Variants in STK36 observed in about 807,000 individuals in gnomAD.
STK36 encodes the protein serine/threonine kinase 36, also known as serine/threonine-protein kinase 36.
STK36 carries 116 observed loss-of-function variants against 142.2 expected under a neutral mutation model. The ratio of observed to expected loss-of-function variants is 0.82; its 90% CI spans 0.70 to 0.95. The LOEUF is 0.95. Among genes scored for constraint, STK36 ranks in the 40% least tolerant of loss-of-function variants. STK36 has a pLI of 0.00. For missense variants in STK36, 1,422 were observed against 1,617.2 expected, an observed-to-expected ratio of 0.88 and a Z score of 2.07; for synonymous variants, 619 against 641.7, an observed-to-expected ratio of 0.96 and a Z score of 0.53.
Position 218,685,157 on chromosome 2 carries a change from C to G in STK36, c.1309C>G (p.Pro437Ala). 1 of 1,614,212 alleles carries G rather than the reference C, an allele frequency of 6.2e-7. No individual in the cohort carries two copies. Among genetic ancestry groups the G allele is most frequent in the Non-Finnish European group, 8.5e-7 (1 of 1,180,040 alleles). Residue 437 changes from proline (P) to alanine (A), a missense_variant, in exon 11 of 27, where the codon CCT becomes GCT. This residue lies in a region of STK36 where 962 missense variants were observed against 1,167.5 expected (regional missense o/e 0.82). Coordinates refer to ENST00000295709, the MANE Select transcript of STK36 (RefSeq NM_015690.5). ...TEPVPIQLKAPLTLLCNPDFC... is the reference protein window; with the variant it reads ...TEPVPIQLKAALTLLCNPDFC... ...GCCTGTGCCTATTCAACTGAAGGCT[C>G]CTCTCACCTTGCTGTGTAATCCTGA...
rs539374771 is a variant in STK36, at chr2:218,702,307, G to A, written c.*298G>A. 5 of 232,288 alleles carry A rather than the reference G, an allele frequency of 2.2e-5. No homozygotes were observed. Among genetic ancestry groups the A allele is most frequent in the African/African-American group, 4.5e-5 (2 of 44,172 alleles). The allele number at this position is 232,288 out of a possible 1,614,324, so 14.4% of individuals were successfully genotyped here. On this transcript the variant is annotated 3_prime_UTR_variant, in exon 27 of 27. Coordinates refer to ENST00000295709, the MANE Select transcript of STK36 (RefSeq NM_015690.5). ...CTTTAACTCTAGGGACCTGCCTCAC[G>A]GACCTTAGGGAAAAACCTCAACCTG...
chr2:218,701,901 C>G lies in STK36; in HGVS notation c.3840C>G (p.Ser1280=), dbSNP rs747127744. ...LVSLGASEKL[S]LLSLGNQSLP... ...CCCTGGGTGCCAGTGAGAAACTATC[C>G]TTGCTCTCTCTGGGGAATCAGTCAC... is the stretch of plus-strand genomic sequence containing the variant. Residue 1280 remains serine, a synonymous_variant, in exon 27 of 27, where the codon TCC becomes TCG. Transcript: ENST00000295709. The G allele has an allele frequency of 2.5e-6, 4 of 1,614,118 alleles. No individual in the cohort carries two copies. In the South Asian group the frequency reaches 3.3e-5, roughly 13 times the overall value.
chr2:218,678,140 A>G (rs1158810118), intron 6 of STK36, among the ~76,000 whole-genome samples: 1 of 152,090 alleles, frequency 6.6e-6, no homozygotes, highest in Non-Finnish European at 1.5e-5. Context: ...TTTTAGAGAC[A>G]GGGTCTCACT....
In STK36 at chr2:218,694,098, G is replaced by C; in HGVS notation, c.2336+115G>C. 8.0e-7 allele frequency: 1 copy of C among 1,250,438 alleles called. No individual in the cohort carries two copies. The highest frequency in any genetic ancestry group is 1.2e-6 in the Non-Finnish European group (1 of 858,358). The allele number at this position is 1,250,438 out of a possible 1,614,324, so 77.5% of individuals were successfully genotyped here. A position where few individuals can be genotyped will look rare whatever the true frequency, so the allele number is the denominator to read the frequency against. On this transcript the variant is annotated intron_variant, in intron 19 of 26. Transcript: ENST00000295709. The surrounding 1 kb of genome is among the most constrained non-coding windows in gnomAD (Gnocchi z 4.4). ...TATCCTTAGGAGGAATTGGGATAGA[G>C]AGCGTGAAGCTTTCTCTACAAAGAA...
chr2:218,678,507 T>C (rs867052922), intron 6 of STK36, among the ~76,000 whole-genome samples: 42 of 152,212 alleles, frequency 2.8e-4, no homozygotes, highest in African/African-American at 9.6e-4. Flanking sequence ...GCAAGATCCA[T>C]AGTTATACAG....
chr2:218,697,699 A>AT, intron 24 of STK36, 89 bp downstream of exon 24: 1 of 1,594,368 alleles, frequency 6.3e-7, no homozygotes, highest in Non-Finnish European at 8.5e-7. Flanking sequence ...AGATTGAGCT[A>AT]TAAAGCAAGA....
At chr2:218,691,514 G>T (rs1267480809) in intron 14 of STK36, among the ~76,000 whole-genome samples, 2 of 152,100 alleles carry the variant, frequency 1.3e-5, no homozygotes. Context: ...GAATCAGTAG[G>T]ACTGAGTTGG....
chr2:218,680,652 C>T lies in STK36; in HGVS notation c.1186C>T (p.Pro396Ser), dbSNP rs754753179. ...TGAACGAGCATTCCCAGAGGAGAGG[C>T]CAGAGGTGCTGGGCCAGCGGAGCAC... ...DCERAFPEER[P>S]EVLGQRSTDV... The change falls in exon 10 of 27, where the codon CCA becomes TCA. Residue 396 changes from proline (P) to serine (S), a missense_variant. Pro to Ser is a moderately conservative substitution (Grantham distance 74). Around this residue, in one of 2 missense-constraint regions of STK36, gnomAD observed 962 missense variants for 1,167.5 expected, o/e 0.82. Coordinates refer to ENST00000295709, the MANE Select transcript of STK36 (RefSeq NM_015690.5). 2 of 1,613,522 alleles carry T rather than the reference C, an allele frequency of 1.2e-6. No homozygotes were observed. Among genetic ancestry groups the T allele is most frequent in the South Asian group, 1.1e-5 (1 of 90,922 alleles).
chr2:218,687,402 A>G (rs1271180142), intron 11 of STK36, among the ~76,000 whole-genome samples: 1 of 152,150 alleles, frequency 6.6e-6, no homozygotes, highest in Non-Finnish European at 1.5e-5. Context: ...TAGGTTTCTG[A>G]TCCATCTTGA....
intron 26 of STK36, among the ~76,000 whole-genome samples, chr2:218,701,648 C>A (rs1941445209): frequency 6.6e-6 from 1 of 152,140 alleles, no homozygotes; most frequent in Non-Finnish European, 1.5e-5. Flanking sequence ...GGTCTATAAC[C>A]AAAGAGAATG....
Position 218,697,101 on chromosome 2 carries a change from C to T in STK36, c.2649C>T (p.His883=). 6.2e-7 allele frequency: 1 copy of T among 1,614,158 alleles called. No homozygotes were observed. ...SSSEMWTVLW[H]RFSMVLRLPE... ...CAGAAATGTGGACCGTTTTGTGGCACCGCTTCTCCATGGTCCTGAGGCTCC... is the reference window on the plus strand; with the variant it reads ...CAGAAATGTGGACCGTTTTGTGGCATCGCTTCTCCATGGTCCTGAGGCTCC... The change falls in exon 23 of 27, where the codon CAC becomes CAT. Residue 883 remains histidine, a synonymous_variant. Transcript: ENST00000295709.
chr2:218,690,874 G>A (rs1940972889), intron 14 of STK36, among the ~76,000 whole-genome samples: 1 of 152,176 alleles, frequency 6.6e-6, no homozygotes, highest in South Asian at 2.1e-4. Context: ...AACACTATTT[G>A]GAGTATCATA....
At chr2:218,676,851 C>T (rs539000090) in intron 6 of STK36, among the ~76,000 whole-genome samples, 25 of 151,824 alleles carry the variant, frequency 1.6e-4, no homozygotes, top group Non-Finnish European at 1.5e-4. Context: ...GGGGTTTCAC[C>T]GTGTTAGCCA....
chr2:218,672,532 A>G, intron 1 of STK36: 3 of 381,638 alleles, frequency 7.9e-6, no homozygotes, highest in South Asian at 2.6e-5. Context: ...TGGGTGAGGG[A>G]GAAGGGGAAC....
Position 218,688,816 on chromosome 2 carries a change from G to A in STK36, c.1500G>A (p.Gly500=), listed in dbSNP as rs777824188. 1.2e-6 allele frequency: 2 copies of A among 1,613,712 alleles called. No homozygotes were observed. The highest frequency in any genetic ancestry group is 2.2e-5 in the East Asian group (1 of 44,872). The change falls in exon 12 of 27, where the codon GGG becomes GGA. Residue 500 remains glycine, a synonymous_variant. Transcript: ENST00000295709. ...TGTATTCCTTCTGCCGGGAGGCAGGGCTTCCTGGGCTGCTGCTGAGTCTAC... is the reference window on the plus strand; with the variant it reads ...TGTATTCCTTCTGCCGGGAGGCAGGACTTCCTGGGCTGCTGCTGAGTCTAC... ...VALYSFCREA[G]LPGLLLSLLR...
chr2:218,682,798 G>C (rs937586810), intron 10 of STK36, among the ~76,000 whole-genome samples: 1 of 152,040 alleles, frequency 6.6e-6, no homozygotes, highest in African/African-American at 2.4e-5. Flanking sequence ...TCGCCATCTT[G>C]TCCAGGTTGG....
intron 6 of STK36, among the ~76,000 whole-genome samples, chr2:218,676,594 A>G (rs1014813896): frequency 6.6e-6 from 1 of 151,024 alleles, no homozygotes; most frequent in African/African-American, 2.4e-5. Flanking sequence ...CAGGAGGAAG[A>G]TAGAGAAAGG....
At chr2:218,687,828 G>C (rs1940837299) in intron 11 of STK36, among the ~76,000 whole-genome samples, 1 of 152,188 alleles carries the variant, frequency 6.6e-6, no homozygotes, top group African/African-American at 2.4e-5. Context: ...AAAATACTTG[G>C]TGTAAATGTT....
chr2:218,695,467 A>G (rs966681788), intron 21 of STK36, among the ~76,000 whole-genome samples: 2 of 141,222 alleles, frequency 1.4e-5, no homozygotes, highest in African/African-American at 5.4e-5. Context: ...CTCACATGTG[A>G]TCCGCCCACC....
Sources: allele counts gnomAD v4.1 joint callset (sites outside exome capture counted in the v4.1 genomes callset), GRCh38; gene constraint gnomAD v4.1.1; regional missense constraint gnomAD v4.1.1; non-coding constraint Gnocchi (gnomAD v3.1); transcripts MANE v1.5; gene names NCBI Gene and HGNC (gene_info 2026-07-23, HGNC 2026-07-21).